The following PLPP1 variants were observed in gnomAD, a reference collection of about 807,000 sequenced individuals.
PLPP1 encodes the protein phospholipid phosphatase 1.
Under a neutral mutation model 31.2 loss-of-function variants are expected in PLPP1, and 24 were observed. The observed-to-expected ratio is 0.77, with a 90% CI of 0.56 to 1.08. The LOEUF (loss-of-function observed/expected upper bound fraction) is 1.08, where lower values mean the gene tolerates loss of function less well. PLPP1 is among the 50% of genes least tolerant of loss of function. The probability of loss-of-function intolerance (pLI) is 0.00; values close to 1 mark genes in which losing one functional copy is unlikely to be tolerated. For synonymous variants in PLPP1, 146 were observed against 126.3 expected, an observed-to-expected ratio of 1.16 and a Z score of -1.05; for missense variants, 319 against 342.7, an observed-to-expected ratio of 0.93 and a Z score of 0.55.
At chr5:55,428,704 T>C (rs918256496) in intron 4 of PLPP1, among the ~76,000 whole-genome samples, 1 of 152,212 alleles carries the variant, frequency 6.6e-6, no homozygotes, top group African/African-American at 2.4e-5. Context: ...GGGACACAGC[T>C]CATGCTTCAG....
intron 3 of PLPP1, among the ~76,000 whole-genome samples, chr5:55,463,537 T>C (rs1017613404): frequency 3.3e-5 from 5 of 151,854 alleles, no homozygotes; most frequent in Non-Finnish European, 5.9e-5. Flanking sequence ...GGCACACACC[T>C]GTAATCCCAG....
chr5:55,477,974 T>G (rs1319734778), intron 1 of PLPP1, among the ~76,000 whole-genome samples: 3 of 146,788 alleles, frequency 2.0e-5, no homozygotes, highest in African/African-American at 7.6e-5. Flanking sequence ...AGTGACACTC[T>G]GTCTTAAAAA....
At chr5:55,464,590 A>G (rs1293839779) in intron 3 of PLPP1, among the ~76,000 whole-genome samples, 3 of 152,236 alleles carry the variant, frequency 2.0e-5, no homozygotes, top group African/African-American at 7.2e-5. Flanking sequence ...AATGTCCATC[A>G]ATATTTGCAT....
intron 2 of PLPP1, among the ~76,000 whole-genome samples, chr5:55,470,699 A>G (rs957446508): frequency 6.6e-6 from 1 of 152,164 alleles, no homozygotes; most frequent in Non-Finnish European, 1.5e-5. Context: ...CAAGATAACC[A>G]TATTCTTTTG....
At chr5:55,488,459 A>G (rs1451147412) in intron 1 of PLPP1, among the ~76,000 whole-genome samples, 1 of 152,062 alleles carries the variant, frequency 6.6e-6, no homozygotes, top group Non-Finnish European at 1.5e-5. Context: ...CAGCCTGGCC[A>G]ACATGGTAAA....
At chr5:55,443,212 T>TATATATACAC (rs1169152710) in intron 3 of PLPP1, among the ~76,000 whole-genome samples, 28 of 104,996 alleles carry the variant, frequency 2.7e-4, no homozygotes, top group Admixed American at 1.1e-3. Context: ...TATATATATA[T>TATATATACAC]ACACACACAC....
In PLPP1 at chr5:55,534,588, C is replaced by T; in HGVS notation, c.42G>A (p.Val14=). Reference sequence around the variant, plus strand: ...CGTACGTACCCAGCAACACGCAGAGCACATCGAGGGCCACGTACGGCAGCC... The same window carrying T: ...CGTACGTACCCAGCAACACGCAGAGTACATCGAGGGCCACGTACGGCAGCC... The part of the protein sequence containing the change: ...KTRLPYVALD[V]LCVLLAGLPF... Residue 14 remains valine, a synonymous_variant, in exon 1 of 6, where the codon GTG becomes GTA. Coordinates refer to ENST00000307259, the MANE Select transcript of PLPP1 (RefSeq NM_003711.4). The T allele has an allele frequency of 6.4e-7, 1 of 1,557,240 alleles. No individual in the cohort carries two copies. The highest frequency in any genetic ancestry group is 8.7e-7 in the Non-Finnish European group (1 of 1,153,678).
chr5:55,528,527 A>C (rs1458240970), intron 1 of PLPP1, among the ~76,000 whole-genome samples: 1 of 152,252 alleles, frequency 6.6e-6, no homozygotes, highest in East Asian at 1.9e-4. Flanking sequence ...ATATGCATTG[A>C]ATAAATTAAT....
chr5:55,443,823 C>G (rs1751690031), intron 3 of PLPP1, among the ~76,000 whole-genome samples: 3 of 152,044 alleles, frequency 2.0e-5, no homozygotes, highest in Non-Finnish European at 4.4e-5. Context: ...AGGGGTAATT[C>G]TATTCAATCT....
intron 1 of PLPP1, among the ~76,000 whole-genome samples, chr5:55,488,067 C>T (rs1379023458): frequency 1.3e-5 from 2 of 151,840 alleles, no homozygotes; most frequent in East Asian, 1.9e-4. Context: ...GACAAGACTC[C>T]GTCTCATAAC....
chr5:55,425,320 C>T lies in PLPP1; in HGVS notation c.741G>A (p.Ser247=), dbSNP rs143095107. ...AAGAAGTTCTTTCTTTGAAGAAATCCGATACATATACAGCCTACAGTGCAA... is the reference window on the plus strand; with the variant it reads ...AAGAAGTTCTTTCTTTGAAGAAATCTGATACATATACAGCCTACAGTGCAA... ...LVAILVAVYV[S]DFFKERTSFK... The change falls in exon 6 of 6, where the codon TCG becomes TCA. Residue 247 remains serine (S), a synonymous_variant. Coordinates refer to ENST00000307259, the MANE Select transcript of PLPP1 (RefSeq NM_003711.4). 354 of 1,603,066 alleles carry T rather than the reference C, an allele frequency of 2.2e-4. No homozygotes were observed. Among genetic ancestry groups the T allele is most frequent in the African/African-American group, 1.6e-3 (116 of 74,648 alleles).
chr5:55,433,316 C>G (rs113863623), intron 4 of PLPP1, among the ~76,000 whole-genome samples: 3 of 147,238 alleles, frequency 2.0e-5, no homozygotes, highest in African/African-American at 5.0e-5. Flanking sequence ...ACAGGGAGAC[C>G]CAGTCTCGAA....
intron 1 of PLPP1, among the ~76,000 whole-genome samples, chr5:55,491,615 T>C (rs1264580009): frequency 6.6e-6 from 1 of 151,938 alleles, no homozygotes; most frequent in African/African-American, 2.4e-5. Flanking sequence ...CCCAGCACTT[T>C]GGGAGGCCAA....
At chr5:55,461,026 A>G (rs1452020137) in intron 3 of PLPP1, among the ~76,000 whole-genome samples, 2 of 152,138 alleles carry the variant, frequency 1.3e-5, no homozygotes, top group Non-Finnish European at 2.9e-5. Flanking sequence ...TCTACAAAAA[A>G]TACTACAACA....
At chr5:55,520,198 T>C (rs1358888439) in intron 1 of PLPP1, among the ~76,000 whole-genome samples, 1 of 152,194 alleles carries the variant, frequency 6.6e-6, no homozygotes, top group African/African-American at 2.4e-5. Flanking sequence ...GGAATACTGT[T>C]CACCTAGAAG....
chr5:55,460,789 T>C (rs1332138772), intron 3 of PLPP1, among the ~76,000 whole-genome samples: 3 of 152,132 alleles, frequency 2.0e-5, no homozygotes. Context: ...AAGGCTACCA[T>C]AAGCTATGAC....
In PLPP1 at chr5:55,534,874, GC is replaced by G; in HGVS notation, c.-246del. 2.0e-6 allele frequency: 1 copy of G among 494,330 alleles called. No individual in the cohort carries two copies. Among genetic ancestry groups the G allele is most frequent in the Non-Finnish European group, 3.6e-6 (1 of 281,016 alleles). The allele number at this position is 494,330 out of a possible 1,614,324, so 30.6% of individuals were successfully genotyped here. A position where few individuals can be genotyped will look rare whatever the true frequency, so the allele number is the denominator to read the frequency against. On this transcript the variant is annotated 5_prime_UTR_variant, in exon 1 of 6. Transcript: ENST00000307259. ...TCGGTTAGTGCCGAGGCGCTCGTGT[GC>G]CAGCCGCGGCAGCTCTGTAGCCTCA...
At chr5:55,448,293 C>T (rs1235955038) in intron 3 of PLPP1, among the ~76,000 whole-genome samples, 1 of 152,094 alleles carries the variant, frequency 6.6e-6, no homozygotes, top group Non-Finnish European at 1.5e-5. Context: ...TCTCATATTG[C>T]ACACTTTCTG....
At chr5:55,506,160 G>A (rs1753272073) in intron 1 of PLPP1, among the ~76,000 whole-genome samples, 1 of 150,230 alleles carries the variant, frequency 6.7e-6, no homozygotes, top group South Asian at 2.1e-4. Flanking sequence ...TAAAGGAAAA[G>A]ACTATCAACA....
Sources: allele counts gnomAD v4.1 joint callset (sites outside exome capture counted in the v4.1 genomes callset), GRCh38; gene constraint gnomAD v4.1.1; transcripts MANE v1.5; gene names NCBI Gene and HGNC (gene_info 2026-07-23, HGNC 2026-07-21).